The following IRF2BPL variants were observed in gnomAD, a reference collection of about 807,000 sequenced individuals.
IRF2BPL encodes the protein interferon regulatory factor 2 binding protein like, also known as probable E3 ubiquitin-protein ligase IRF2BPL.
In IRF2BPL, 13 loss-of-function variants were observed where a neutral mutation model predicts 51.2. The observed-to-expected ratio is 0.25, with a 90% CI of 0.17 to 0.40. IRF2BPL has a LOEUF of 0.40. Ranked by LOEUF, IRF2BPL falls within the 10% of genes least tolerant of loss-of-function variation. IRF2BPL has a pLI of 1.00. For missense variants in IRF2BPL, 1,210 were observed against 1,111.8 expected, an observed-to-expected ratio of 1.09 and a Z score of -1.26; for synonymous variants, 768 against 509.2, an observed-to-expected ratio of 1.51 and a Z score of -6.84.
At position 77,025,531 on chromosome 14, in the gene IRF2BPL, G is replaced by T. The variant is rs577997949; in HGVS notation, c.2262C>A (p.Gly754=). 3.1e-6 allele frequency: 5 copies of T among 1,613,966 alleles called. No homozygotes were observed. The highest frequency in any genetic ancestry group is 1.3e-5 in the African/African-American group (1 of 75,064). Residue 754 remains glycine (G), a synonymous_variant, in exon 1 of 1, where the codon GGC becomes GGA. Transcript: ENST00000238647. Reference sequence around the variant, plus strand: ...TCTCTCCGCTGGGGCAATACACCTCGCCGGTGGCCCCCTGGGCCTTGATAC... The same window carrying T: ...TCTCTCCGCTGGGGCAATACACCTCTCCGGTGGCCCCCTGGGCCTTGATAC... ...RESIKAQGAT[G]EVYCPSGEKC...
chr14:77,027,040 G>A lies in IRF2BPL; in HGVS notation c.753C>T (p.Thr251=), dbSNP rs1418046529. The A allele has an allele frequency of 3.0e-5, 47 of 1,547,540 alleles. No individual in the cohort carries two copies. The highest frequency in any genetic ancestry group is 4.0e-5 in the Non-Finnish European group (46 of 1,148,240). Residue 251 remains threonine, a synonymous_variant, in exon 1 of 1, where the codon ACC becomes ACT. Coordinates refer to ENST00000238647, the MANE Select transcript of IRF2BPL (RefSeq NM_024496.4). The stretch of plus-strand genomic sequence containing the variant: ...TCTGCGGTAGCAGGTTGGGGGGCAC[G>A]GTGAGCTGGGGGCCTCCGCCACCCC... ...NPGGGGGPQL[T]VPPNLLPQTL... is the part of the protein sequence containing the mutation.
At position 77,027,422 on chromosome 14, in the gene IRF2BPL, TGC is replaced by T. The variant is rs1188514280; in HGVS notation, c.369_370del (p.Gln124AlafsTer8). 3.2e-5 allele frequency: 7 copies of T among 215,420 alleles called. No individual in the cohort carries two copies. In the Admixed American group the frequency reaches 5.7e-4, roughly 18 times the overall value. The allele number at this position is 215,420 out of a possible 1,614,324, so 13.3% of individuals were successfully genotyped here. A position where few individuals can be genotyped will look rare whatever the true frequency, so the allele number is the denominator to read the frequency against. ...ATCAACGTGGTTGAGCTGTTGTTGC[TGC>T]TGCTGCTGCTGCTGCTGCTGCTGCT... On this transcript the variant is annotated frameshift_variant, in exon 1 of 1. Transcript: ENST00000238647. LOFTEE classifies it high-confidence loss of function.
At position 77,028,603 on chromosome 14, in the gene IRF2BPL, C is replaced by A. The variant is rs1566787703; in HGVS notation, c.-811G>T. On this transcript the variant is annotated 5_prime_UTR_variant, in exon 1 of 1. Transcript: ENST00000238647. ...CGCCTCGGCCCGGGTCGCATCCCTT[C>A]CCGCTCGTGCTCACGCTCGCCCGGA... 1 of 386,686 alleles carries A rather than the reference C, an allele frequency of 2.6e-6. No individual in the cohort carries two copies. The highest frequency in any genetic ancestry group is 3.7e-5 in the East Asian group (1 of 27,186). 24.0% of individuals were successfully genotyped at this position (386,686 alleles called of 1,614,324 possible).
At position 77,027,906 on chromosome 14, in the gene IRF2BPL, G is replaced by C; in HGVS notation, c.-114C>G. ...TCCGACTGCGGGGGAGGGAGGAGGG[G>C]GGGCGAGAAAGTTCTGCCCCAGGGG... On this transcript the variant is annotated 5_prime_UTR_variant, in exon 1 of 1. Transcript: ENST00000238647. The C allele has an allele frequency of 7.7e-7, 1 of 1,302,270 alleles. No individual in the cohort carries two copies. The highest frequency in any genetic ancestry group is 1.0e-6 in the Non-Finnish European group (1 of 995,274). 80.7% of individuals were successfully genotyped at this position (1,302,270 alleles called of 1,614,324 possible). A position where few individuals can be genotyped will look rare whatever the true frequency, so the allele number is the denominator to read the frequency against.
rs149689849 is a variant in IRF2BPL at position 77,025,546 on chromosome 14, G to T, written c.2247C>A (p.Ala749=). The change falls in exon 1 of 1, where the codon GCC becomes GCA. Residue 749 remains alanine (A), a synonymous_variant. Coordinates refer to ENST00000238647, the MANE Select transcript of IRF2BPL (RefSeq NM_024496.4). ...AATACACCTCGCCGGTGGCCCCCTG[G>T]GCCTTGATACTCTCTCTAGAGCAAG... ...CFPCSRESIK[A]QGATGEVYCP... 32 of 1,613,854 alleles carry T rather than the reference G, an allele frequency of 2.0e-5. 1 individual carries two copies. The South Asian group carries it at 3.0e-4, about 15-fold the overall frequency.
chr14:77,026,331 C>T lies in IRF2BPL; in HGVS notation c.1462G>A (p.Gly488Ser). The change falls in exon 1 of 1, where the codon GGC becomes AGC. Residue 488 changes from glycine (G) to serine (S), a missense_variant. Transcript: ENST00000238647. ...GGCAGCATGTCGGCGCCGGGCACGC[C>T]CTCCTTGAAGAAGCGCACGGCTTCG... is the stretch of plus-strand genomic sequence containing the variant. ...LPEAVRFFKEGVPGADMLPQP... is the reference protein window; with the variant it reads ...LPEAVRFFKESVPGADMLPQP... 2 of 1,589,748 alleles carry T rather than the reference C, an allele frequency of 1.3e-6. No individual in the cohort carries two copies. Among genetic ancestry groups the T allele is most frequent in the Non-Finnish European group, 1.7e-6 (2 of 1,169,356 alleles).
Position 77,027,210 on chromosome 14 carries a change from C to T in IRF2BPL, c.583G>A (p.Gly195Ser), listed in dbSNP as rs1221946491. The change falls in exon 1 of 1, where the codon GGC (glycine) becomes AGC (serine). Residue 195 changes from glycine to serine, a missense_variant. Physicochemically the swap from Gly to Ser is moderately conservative, Grantham distance 56. Transcript: ENST00000238647. The stretch of plus-strand genomic sequence containing the variant: ...GTTGGTTTGGGGAAGCCGTTTGGGC[C>T]CCCCAGGCCGTTGGGCAGTCGCGCG... The part of the protein sequence containing the change: ...HTARLPNGLG[G>S]PNGFPKPTPE... 2 of 1,608,392 alleles carry T rather than the reference C, an allele frequency of 1.2e-6. No individual in the cohort carries two copies. Among genetic ancestry groups the T allele is most frequent in the Non-Finnish European group, 1.7e-6 (2 of 1,177,436 alleles).
At position 77,027,410 on chromosome 14, in the gene IRF2BPL, A is replaced by T. The variant is rs1212138259; in HGVS notation, c.383T>A (p.Leu128His). ...CTTGCTGGAACCATCAACGTGGTTG[A>T]GCTGTTGTTGCTGCTGCTGCTGCTG... is the stretch of plus-strand genomic sequence containing the variant. ...QQQQQQQQQQLNHVDGSSKPA... is the reference protein window; with the variant it reads ...QQQQQQQQQQHNHVDGSSKPA... The change falls in exon 1 of 1, where the codon CTC (leucine) becomes CAC (histidine). Residue 128 changes from leucine (L) to histidine (H), a missense_variant. Physicochemically the swap from Leu to His is moderately conservative, Grantham distance 99. Transcript: ENST00000238647. The T allele has an allele frequency of 6.8e-7, 1 of 1,464,576 alleles. No homozygotes were observed. Among genetic ancestry groups the T allele is most frequent in the Non-Finnish European group, 9.0e-7 (1 of 1,110,624 alleles). The allele number at this position is 1,464,576 out of a possible 1,614,324, so 90.7% of individuals were successfully genotyped here.
chr14:77,027,326 G>A lies in IRF2BPL; in HGVS notation c.467C>T (p.Ala156Val). The change falls in exon 1 of 1, where the codon GCC becomes GTC. Residue 156 changes from alanine to valine, a missense_variant. Ala to Val is a moderately conservative substitution (Grantham distance 64, BLOSUM62 0). Transcript: ENST00000238647. The part of the protein sequence containing the change: ...LERYGLSAAA[A>V]AAAAAAAAVE... ...CGCAGCGGCGGCGGCGGCGGCGGCG[G>A]CGGCGGCAGCGCTTAGGCCGTAGCG... is the stretch of plus-strand genomic sequence containing the variant. The A allele has an allele frequency of 1.3e-6, 2 of 1,533,172 alleles. No individual in the cohort carries two copies. Among genetic ancestry groups the A allele is most frequent in the Non-Finnish European group, 1.7e-6 (2 of 1,146,350 alleles). 95.0% of individuals were successfully genotyped at this position (1,533,172 alleles called of 1,614,324 possible).
Position 77,027,488 on chromosome 14 carries a change from G to C in IRF2BPL, c.305C>G (p.Ala102Gly). ...CTGCTGCTGTTGCTGTTGCTGTTGC[G>C]CGGCGGCGGCGGCGGCCGCCGCTGC... ...AAAAAAAAAA[A>G]QQQQQQQQQQ... Residue 102 changes from alanine to glycine, a missense_variant, in exon 1 of 1, where the codon GCG becomes GGG. Transcript: ENST00000238647. The C allele has an allele frequency of 1.5e-6, 1 of 687,460 alleles. No homozygotes were observed. The highest frequency in any genetic ancestry group is 1.8e-6 in the Non-Finnish European group (1 of 547,664). The allele number at this position is 687,460 out of a possible 1,614,324, so 42.6% of individuals were successfully genotyped here.
In IRF2BPL at chr14:77,027,299, ACCGCAGCGGCGGCGG is replaced by A; in HGVS notation, c.479_493del (p.Ala160_Ala164del). 3.2e-6 allele frequency: 5 copies of A among 1,561,350 alleles called. No homozygotes were observed. The highest frequency in any genetic ancestry group is 4.3e-6 in the Non-Finnish European group (5 of 1,161,200). On this transcript the variant is annotated inframe_deletion, in exon 1 of 1. Transcript: ENST00000238647. ...GTACTCGAAGCGGCTGCGCTGTTCC[ACCGCAGCGGCGGCGG>A]CGGCGGCGGCGGCGGCGGCAGCGCT...
In IRF2BPL at chr14:77,027,322, G is replaced by GGCA. The variant is rs1555377447; in HGVS notation, c.470_471insTGC (p.Ala164dup). On this transcript the variant is annotated inframe_insertion, in exon 1 of 1. Transcript: ENST00000238647. ...CCACCGCAGCGGCGGCGGCGGCGGC[G>GGCA]GCGGCGGCGGCAGCGCTTAGGCCGT... 4 of 1,535,090 alleles carry GGCA rather than the reference G, an allele frequency of 2.6e-6. No homozygotes were observed. In the Admixed American group the frequency reaches 6.7e-5, roughly 26 times the overall value.
rs1181593058 is a variant in IRF2BPL at position 77,025,599 on chromosome 14, A to T, written c.2194T>A (p.Ser732Thr). ...AAGCAAAATTTGTGGCTGGGGACGG[A>T]AGGGCACTGAACGAAATGCGTATCC... ...LEDTHFVQCPSVPSHKFCFPC... is the reference protein window; with the variant it reads ...LEDTHFVQCPTVPSHKFCFPC... The change falls in exon 1 of 1, where the codon TCC becomes ACC. Residue 732 changes from serine (S) to threonine (T), a missense_variant. Physicochemically the swap from Ser to Thr is moderately conservative, Grantham distance 58. Transcript: ENST00000238647. 1 of 1,604,026 alleles carries T rather than the reference A, an allele frequency of 6.2e-7. No individual in the cohort carries two copies. Among genetic ancestry groups the T allele is most frequent in the Admixed American group, 1.7e-5 (1 of 58,258 alleles).
At position 77,027,201 on chromosome 14, in the gene IRF2BPL, C is replaced by T. The variant is rs747104528; in HGVS notation, c.592G>A (p.Gly198Ser). ...RLPNGLGGPN[G>S]FPKPTPEEGP... ...TCCTCTGGTGTTGGTTTGGGGAAGC[C>T]GTTTGGGCCCCCCAGGCCGTTGGGC... The change falls in exon 1 of 1, where the codon GGC becomes AGC. Residue 198 changes from glycine to serine, a missense_variant. Coordinates refer to ENST00000238647, the MANE Select transcript of IRF2BPL (RefSeq NM_024496.4). The T allele has an allele frequency of 1.4e-5, 22 of 1,610,286 alleles. No homozygotes were observed. The highest frequency in any genetic ancestry group is 1.9e-5 in the Non-Finnish European group (22 of 1,178,432).
chr14:77,025,319 G>T lies in IRF2BPL; in HGVS notation c.*83C>A. Reference sequence around the variant, plus strand: ...TTCTACACCTTGGGGGTGAGGGGAGGGAGGGTCGAGTTGGGTTGGGGGAGG... The same window carrying T: ...TTCTACACCTTGGGGGTGAGGGGAGTGAGGGTCGAGTTGGGTTGGGGGAGG... On this transcript the variant is annotated 3_prime_UTR_variant, in exon 1 of 1. Transcript: ENST00000238647. 1.1e-6 allele frequency: 1 copy of T among 951,082 alleles called. No homozygotes were observed. Among genetic ancestry groups the T allele is most frequent in the Non-Finnish European group, 1.6e-6 (1 of 645,106 alleles). 58.9% of individuals were successfully genotyped at this position (951,082 alleles called of 1,614,324 possible).
In IRF2BPL at chr14:77,025,199, G is replaced by A. The variant is rs967087907; in HGVS notation, c.*203C>T. ...CAAACCAGCTTATCCTTCAAATGAAGAAGTTACATACCTTTGTTTCAAAAT... is the reference window on the plus strand; with the variant it reads ...CAAACCAGCTTATCCTTCAAATGAAAAAGTTACATACCTTTGTTTCAAAAT... On this transcript the variant is annotated 3_prime_UTR_variant, in exon 1 of 1. Coordinates refer to ENST00000238647, the MANE Select transcript of IRF2BPL (RefSeq NM_024496.4). 11 of 441,738 alleles carry A rather than the reference G, an allele frequency of 2.5e-5. No individual in the cohort carries two copies. Among genetic ancestry groups the A allele is most frequent in the Admixed American group, 1.2e-4 (3 of 25,836 alleles). 27.4% of individuals were successfully genotyped at this position (441,738 alleles called of 1,614,324 possible). A position where few individuals can be genotyped will look rare whatever the true frequency, so the allele number is the denominator to read the frequency against.
chr14:77,024,855 TA>T lies in IRF2BPL; in HGVS notation c.*546del, dbSNP rs1316029894. Reference sequence around the variant, plus strand: ...AGAAAAACAAAACAAAACAACAAAATAAAGTGAAGACTTCAACACTTGGGGC... The same window carrying T: ...AGAAAAACAAAACAAAACAACAAAATAAGTGAAGACTTCAACACTTGGGGC... On this transcript the variant is annotated 3_prime_UTR_variant, in exon 1 of 1. Transcript: ENST00000238647. 2 of 84,898 alleles carry T rather than the reference TA, an allele frequency of 2.4e-5. No homozygotes were observed. Among genetic ancestry groups the T allele is most frequent in the Non-Finnish European group, 4.5e-5 (2 of 44,628 alleles). 5.3% of individuals were successfully genotyped at this position (84,898 alleles called of 1,614,324 possible).
Position 77,027,499 on chromosome 14 carries a change from GGCGGCCGCCGCTGCTGCCGCC to G in IRF2BPL, c.273_293del (p.Ala96_Ala102del). On this transcript the variant is annotated inframe_deletion, in exon 1 of 1. Transcript: ENST00000238647. ...GCTGTTGCTGTTGCGCGGCGGCGGC[GGCGGCCGCCGCTGCTGCCGCC>G]GCCGCCGCCGCTTCCTTAGCCGACA... is the stretch of plus-strand genomic sequence containing the variant. 4.7e-6 allele frequency: 3 copies of G among 636,762 alleles called. 1 individual carries two copies. 39.4% of individuals were successfully genotyped at this position (636,762 alleles called of 1,614,324 possible). A position where few individuals can be genotyped will look rare whatever the true frequency, so the allele number is the denominator to read the frequency against.
At position 77,027,053 on chromosome 14, in the gene IRF2BPL, C is replaced by G. The variant is rs1236334017; in HGVS notation, c.740G>C (p.Gly247Ala). 6.4e-6 allele frequency: 10 copies of G among 1,568,636 alleles called. No individual in the cohort carries two copies. The highest frequency in any genetic ancestry group is 8.6e-6 in the Non-Finnish European group (10 of 1,159,274). ...TGLPNPGGGG[G>A]PQLTVPPNLL... ...GTTGGGGGGCACGGTGAGCTGGGGG[C>G]CTCCGCCACCCCCCGGGTTGGGCAG... The change falls in exon 1 of 1, where the codon GGC becomes GCC. Residue 247 changes from glycine (G) to alanine (A), a missense_variant. Gly to Ala is a moderately conservative substitution (Grantham distance 60). Transcript: ENST00000238647.
Sources: gnomAD v4.1 joint callset for allele counts on GRCh38, gnomAD v4.1.1 for gene constraint, MANE v1.5 for transcripts, NCBI Gene and HGNC (gene_info 2026-07-23, HGNC 2026-07-21) for gene names.